ZSCAN32: variants seen among roughly 807,000 people sequenced by gnomAD.
ZSCAN32 encodes zinc finger and SCAN domain containing 32, also known as zinc finger and SCAN domain-containing protein 32.
A neutral mutation model predicts 47.4 loss-of-function variants in ZSCAN32; 52 were observed. The ratio of observed to expected loss-of-function variants is 1.10; its 90% CI spans 0.88 to 1.38. The LOEUF (loss-of-function observed/expected upper bound fraction) is 1.38. Among genes scored for constraint, ZSCAN32 ranks in the 40% most tolerant of loss-of-function variants. The pLI is 0.00. For synonymous variants in ZSCAN32, 346 were observed against 305.7 expected (o/e 1.13, Z -1.38); for missense variants, 959 against 846.0 (o/e 1.13, Z -1.66).
At chr16:3,390,574 G>T in intron 3 of ZSCAN32, 57 bp from the exon 4 acceptor site, 1 of 1,411,608 alleles carries the variant, frequency 7.1e-7, no homozygotes, top group South Asian at 1.3e-5. Context: ...GCACAGAGCA[G>T]AAGCTCTCAA....
chr16:3,382,836 C>G lies in ZSCAN32; in HGVS notation c.*16G>C, dbSNP rs1312464780. ...TGCTGACCTGAGGAACTTAATCTGACAGTTTACCGACACACTCATAACGCA... is the reference window on the plus strand; with the variant it reads ...TGCTGACCTGAGGAACTTAATCTGAGAGTTTACCGACACACTCATAACGCA... On this transcript the variant is annotated 3_prime_UTR_variant, in exon 7 of 7. Coordinates refer to ENST00000396852, the MANE Select transcript of ZSCAN32 (RefSeq NM_001284527.2). The G allele has an allele frequency of 1.3e-6, 2 of 1,536,738 alleles. No individual in the cohort carries two copies. Among genetic ancestry groups the G allele is most frequent in the Non-Finnish European group, 1.8e-6 (2 of 1,140,488 alleles).
In ZSCAN32 at chr16:3,393,241, T is replaced by TTA. The variant is rs1183166388; in HGVS notation, c.532+406_532+407dup. On this transcript the variant is annotated intron_variant, in intron 3 of 6. Coordinates refer to ENST00000396852, the MANE Select transcript of ZSCAN32 (RefSeq NM_001284527.2). ...ATATATATATATAAATTTATATATT[T>TTA]TATATATATATATATTTTTTGTTTT... Among the ~76,000 whole-genome samples the TTA allele has an allele frequency of 2.8e-4, 3 of 10,622 alleles. 1 individual carries two copies. The highest frequency in any genetic ancestry group is 6.0e-4 in the African/African-American group (1 of 1,660). 7.0% of individuals were successfully genotyped at this position (10,622 alleles called of 152,430 possible). A position where few individuals can be genotyped will look rare whatever the true frequency, so the allele number is the denominator to read the frequency against.
chr16:3,384,305 C>G (rs1373748043), intron 6 of ZSCAN32, 154 bp downstream of exon 6: 2 of 1,069,640 alleles, frequency 1.9e-6, no homozygotes, highest in East Asian at 4.8e-5. Flanking sequence ...AGGGGAATAA[C>G]CTTTAACTCC....
At chr16:3,388,234 T>G (rs2032241508) in intron 5 of ZSCAN32, among the ~76,000 whole-genome samples, 1 of 152,238 alleles carries the variant, frequency 6.6e-6, no homozygotes, top group Non-Finnish European at 1.5e-5. Flanking sequence ...GTGTACTCTG[T>G]GCCAGTGAAC....
At chr16:3,389,983 T>C in intron 5 of ZSCAN32, 27 bp downstream of exon 5, 1 of 1,588,424 alleles carries the variant, frequency 6.3e-7, no homozygotes. Flanking sequence ...ACATCCACCT[T>C]GACCTGGAGG....
intron 3 of ZSCAN32, among the ~76,000 whole-genome samples, chr16:3,391,219 G>A (rs1251910100): frequency 6.6e-6 from 1 of 152,198 alleles, no homozygotes; most frequent in African/African-American, 2.4e-5. Flanking sequence ...AGCCTAGCCT[G>A]GAAGGCAGCA....
At chr16:3,388,535 G>C (rs2032280638) in intron 5 of ZSCAN32, among the ~76,000 whole-genome samples, 1 of 152,154 alleles carries the variant, frequency 6.6e-6, no homozygotes, top group Admixed American at 6.5e-5. Context: ...CACAGGGCAG[G>C]AATCTTTATC....
intron 3 of ZSCAN32, among the ~76,000 whole-genome samples, chr16:3,392,468 C>G (rs570490619): frequency 6.6e-6 from 1 of 151,374 alleles, no homozygotes. Flanking sequence ...CCGCTTCAGC[C>G]TCCCAAAGTG....
intron 3 of ZSCAN32, among the ~76,000 whole-genome samples, chr16:3,393,202 TTATATTTATATATA>T: frequency 4.3e-5 from 1 of 23,230 alleles, no homozygotes; most frequent in Admixed American, 5.3e-4. Flanking sequence ...ATATATATAT[TTATATTTATATATA>T]TATATATATA....
At chr16:3,389,178 C>T (rs2032364906) in intron 5 of ZSCAN32, among the ~76,000 whole-genome samples, 1 of 152,114 alleles carries the variant, frequency 6.6e-6, no homozygotes, top group African/African-American at 2.4e-5. Flanking sequence ...CAAGAAATGG[C>T]ACATGATGAA....
Position 3,389,993 on chromosome 16 carries a change from G to A in ZSCAN32, c.751+17C>T. The A allele has an allele frequency of 6.3e-7, 1 of 1,599,668 alleles. No individual in the cohort carries two copies. Among genetic ancestry groups the A allele is most frequent in the Non-Finnish European group, 8.5e-7 (1 of 1,172,514 alleles). On this transcript the variant is annotated intron_variant, in intron 5 of 6. Coordinates refer to ENST00000396852, the MANE Select transcript of ZSCAN32 (RefSeq NM_001284527.2). Reference sequence around the variant, plus strand: ...TGAACACATCCACCTTGACCTGGAGGGAAGATGGATCCTTACCCAGCGAGA... The same window carrying A: ...TGAACACATCCACCTTGACCTGGAGAGAAGATGGATCCTTACCCAGCGAGA...
At chr16:3,400,663 G>A (rs1567334713) in intron 1 of ZSCAN32, among the ~76,000 whole-genome samples, 1 of 152,250 alleles carries the variant, frequency 6.6e-6, no homozygotes, top group Non-Finnish European at 1.5e-5. Context: ...CTGTGGATGA[G>A]TAGGGAGTGG....
intron 1 of ZSCAN32, 97 bp from the exon 2 acceptor site, chr16:3,397,841 C>G (rs566115620): frequency 7.8e-5 from 19 of 245,130 alleles, no homozygotes; most frequent in South Asian, 6.9e-4. Context: ...ACTCCCTCCA[C>G]AAATCTACAC....
At chr16:3,386,644 A>T (rs2032031889) in intron 5 of ZSCAN32, among the ~76,000 whole-genome samples, 1 of 152,216 alleles carries the variant, frequency 6.6e-6, no homozygotes, top group African/African-American at 2.4e-5. Flanking sequence ...CTTTGTAGGG[A>T]CATGGATGAA....
At chr16:3,393,874 T>TC (rs1471137855) in intron 2 of ZSCAN32, 60 bp from the exon 3 acceptor site, 51 of 1,378,136 alleles carry the variant, frequency 3.7e-5, no homozygotes, top group Non-Finnish European at 4.5e-5. Context: ...ACTTTACAAC[T>TC]CCTAAGAGTG....
intron 6 of ZSCAN32, chr16:3,383,996 CA>C (rs1259123686): frequency 2.2e-6 from 1 of 459,834 alleles, no homozygotes; most frequent in Admixed American, 4.0e-5. Context: ...TATCATCTGC[CA>C]GTCTGTTTAT....
chr16:3,390,531 C>G lies in ZSCAN32; in HGVS notation c.533-14G>C, dbSNP rs1433468720. On this transcript the variant is annotated splice_polypyrimidine_tract_variant and intron_variant, in intron 3 of 6. Transcript: ENST00000396852. ...GAGCAAGCCAGGCTGGGGGAAAAAA[C>G]AGCCGCTATTAGAGGGCGGCTTCCA... The G allele has an allele frequency of 1.9e-6, 3 of 1,547,092 alleles. No individual in the cohort carries two copies. The highest frequency in any genetic ancestry group is 2.3e-4 in the Middle Eastern group (1 of 4,426).
At chr16:3,388,280 G>A (rs538196084) in intron 5 of ZSCAN32, among the ~76,000 whole-genome samples, 6 of 152,252 alleles carry the variant, frequency 3.9e-5, no homozygotes, top group Admixed American at 3.9e-4. Flanking sequence ...AAGTCATTGC[G>A]TCTGTCTTAC....
chr16:3,398,062 C>A (rs2033544847), intron 1 of ZSCAN32, among the ~76,000 whole-genome samples: 1 of 152,158 alleles, frequency 6.6e-6, no homozygotes, highest in Admixed American at 6.6e-5. Flanking sequence ...ATGATAATAA[C>A]CCTTCCCAAA....
Sources: allele counts gnomAD v4.1 joint callset (sites outside exome capture counted in the v4.1 genomes callset), GRCh38; gene constraint gnomAD v4.1.1; transcripts MANE v1.5; gene names NCBI Gene and HGNC (gene_info 2026-07-23, HGNC 2026-07-21).